The following C6orf163 variants were observed in gnomAD, a reference collection of about 807,000 sequenced individuals.
The protein encoded by C6orf163 is uncharacterized protein C6orf163.
In C6orf163, 22 loss-of-function variants were observed where a neutral mutation model predicts 28.4. The observed-to-expected ratio is 0.78, with a 90% confidence interval of 0.55 to 1.11. The LOEUF (loss-of-function observed/expected upper bound fraction) is 1.11. Among genes scored for constraint, C6orf163 ranks in the 50% least tolerant of loss-of-function variants. The pLI, the probability that C6orf163 is intolerant of heterozygous loss-of-function variation, is 0.00. For missense variants in C6orf163, 342 were observed against 389.1 expected, an observed-to-expected ratio of 0.88 and a Z score of 1.02; for synonymous variants, 110 against 123.6, an observed-to-expected ratio of 0.89 and a Z score of 0.73.
chr6:87,346,463 C>T (rs1777325708), intron 1 of C6orf163, among the ~76,000 whole-genome samples: 1 of 152,048 alleles, frequency 6.6e-6, no homozygotes, highest in African/African-American at 2.4e-5. Context: ...ATTCCTTATG[C>T]CTTATGGAAT....
At position 87,344,972 on chromosome 6, in the gene C6orf163, C is replaced by T. The variant is rs954289447; in HGVS notation, c.-128C>T. The T allele has an allele frequency of 2.9e-6, 2 of 698,966 alleles. No individual in the cohort carries two copies. The highest frequency in any genetic ancestry group is 3.6e-5 in the African/African-American group (2 of 55,470). 43.3% of individuals were successfully genotyped at this position (698,966 alleles called of 1,614,324 possible). A position where few individuals can be genotyped will look rare whatever the true frequency, so the allele number is the denominator to read the frequency against. The stretch of plus-strand genomic sequence containing the variant: ...CTTGAACCATTTAATCCTTACCAGC[C>T]TCTAGCATTATCCTAAAACCCTGAA... On this transcript the variant is annotated 5_prime_UTR_variant, in exon 1 of 5. Coordinates refer to ENST00000388923, the MANE Select transcript of C6orf163 (RefSeq NM_001010868.3).
In C6orf163 at chr6:87,365,240, AGAG is replaced by A. The variant is rs1266510605; in HGVS notation, c.840_842del (p.Glu281del). ...TCATGACAAATTGGAAAGATTTCCT[AGAG>A]GAGGAATTACAGGAAACCAGGATGG... On this transcript the variant is annotated inframe_deletion, in exon 5 of 5. Transcript: ENST00000388923. The A allele has an allele frequency of 6.4e-7, 1 of 1,551,734 alleles. No individual in the cohort carries two copies. Among genetic ancestry groups the A allele is most frequent in the Admixed American group, 2.0e-5 (1 of 51,012 alleles).
In C6orf163 at chr6:87,365,205, C is replaced by T; in HGVS notation, c.799C>T (p.Gln267Ter). 6.4e-7 allele frequency: 1 copy of T among 1,551,754 alleles called. No homozygotes were observed. Among genetic ancestry groups the T allele is most frequent in the Non-Finnish European group, 8.7e-7 (1 of 1,146,998 alleles). ...GGGGGAGCTGCTGTCTATAGCAAAACAACTGGGAATCATGACAAATTGGAA... is the reference window on the plus strand; with the variant it reads ...GGGGGAGCTGCTGTCTATAGCAAAATAACTGGGAATCATGACAAATTGGAA... ...TQGELLSIAK[Q>*]LGIMTNWKDF... Residue 267 changes from glutamine to a stop codon, truncating the protein, a stop_gained, in exon 5 of 5, where the codon CAA becomes TAA. Coordinates refer to ENST00000388923, the MANE Select transcript of C6orf163 (RefSeq NM_001010868.3). LOFTEE classifies it high-confidence loss of function.
At chr6:87,352,873 G>C (rs1460799917) in intron 3 of C6orf163, among the ~76,000 whole-genome samples, 1 of 152,044 alleles carries the variant, frequency 6.6e-6, no homozygotes, top group Non-Finnish European at 1.5e-5. Flanking sequence ...TCCTGAGGGG[G>C]ACATTATGTA....
In C6orf163 at chr6:87,365,021, TGTG is replaced by T; in HGVS notation, c.617_619del (p.Val206del). 6.4e-7 allele frequency: 1 copy of T among 1,551,684 alleles called. No individual in the cohort carries two copies. The highest frequency in any genetic ancestry group is 8.7e-7 in the Non-Finnish European group (1 of 1,146,956). ...CAGTTATTAAGGATGAGAAGACCAGTGTGGCCCGACTGATGAGGGAAAAAGAAC... is the reference window on the plus strand; with the variant it reads ...CAGTTATTAAGGATGAGAAGACCAGTGCCCGACTGATGAGGGAAAAAGAAC... On this transcript the variant is annotated inframe_deletion, in exon 5 of 5. Transcript: ENST00000388923.
chr6:87,359,877 G>A (rs1464630412), intron 4 of C6orf163, among the ~76,000 whole-genome samples: 2 of 152,172 alleles, frequency 1.3e-5, no homozygotes, highest in African/African-American at 4.8e-5. Flanking sequence ...AGATAGAGAT[G>A]CCAGAAGAAC....
chr6:87,345,330 CT>C (rs1777306551), intron 1 of C6orf163, 83 bp downstream of exon 1: 2 of 1,331,016 alleles, frequency 1.5e-6, no homozygotes, highest in East Asian at 2.7e-5. Flanking sequence ...CTTTTATCAG[CT>C]TTTTTCTCTT....
chr6:87,354,573 T>C (rs1185343780), intron 3 of C6orf163, among the ~76,000 whole-genome samples: 1 of 152,230 alleles, frequency 6.6e-6, no homozygotes, highest in African/African-American at 2.4e-5. Flanking sequence ...TTTAGTGATT[T>C]AAGAGACAAA....
chr6:87,365,292 A>C lies in C6orf163; in HGVS notation c.886A>C (p.Thr296Pro), dbSNP rs917006970. ...RMAFQKYINY[T>P]FPKLSPGHAD... is the part of the protein sequence containing the mutation. Reference sequence around the variant, plus strand: ...GGCATTTCAAAAATACATCAATTATACCTTTCCTAAGCTTTCACCAGGACA... The same window carrying C: ...GGCATTTCAAAAATACATCAATTATCCCTTTCCTAAGCTTTCACCAGGACA... Residue 296 changes from threonine to proline, a missense_variant, in exon 5 of 5, where the codon ACC becomes CCC. Transcript: ENST00000388923. 6.4e-7 allele frequency: 1 copy of C among 1,551,588 alleles called. No homozygotes were observed. The highest frequency in any genetic ancestry group is 1.2e-5 in the South Asian group (1 of 84,056).
chr6:87,348,798 C>T lies in C6orf163; in HGVS notation c.149-14C>T. ...TCGGTGGAGGTTTGTGACCATTGCTCTTCAAATACACAGATATTGGGGCAA... is the reference window on the plus strand; with the variant it reads ...TCGGTGGAGGTTTGTGACCATTGCTTTTCAAATACACAGATATTGGGGCAA... On this transcript the variant is annotated splice_polypyrimidine_tract_variant and intron_variant, in intron 1 of 4. Transcript: ENST00000388923. 4 of 1,536,678 alleles carry T rather than the reference C, an allele frequency of 2.6e-6. No individual in the cohort carries two copies. Among genetic ancestry groups the T allele is most frequent in the South Asian group, 2.4e-5 (2 of 83,864 alleles).
In C6orf163 at chr6:87,347,415, G is replaced by A. The variant is rs147115423; in HGVS notation, c.149-1397G>A. Reference sequence around the variant, plus strand: ...TTAAACATAAAAGAGGATAGTGATAGCCTACACTTGTATCACATTTTTATG... The same window carrying A: ...TTAAACATAAAAGAGGATAGTGATAACCTACACTTGTATCACATTTTTATG... On this transcript the variant is annotated intron_variant, in intron 1 of 4. Transcript: ENST00000388923. 4 of 985,252 alleles carry A rather than the reference G, an allele frequency of 4.1e-6. No homozygotes were observed. In the African/African-American group the frequency reaches 5.2e-5, roughly 13 times the overall value. 61.0% of individuals were successfully genotyped at this position (985,252 alleles called of 1,614,324 possible).
chr6:87,354,671 A>G (rs1777471497), intron 3 of C6orf163, among the ~76,000 whole-genome samples: 1 of 152,256 alleles, frequency 6.6e-6, no homozygotes, highest in South Asian at 2.1e-4. Context: ...AACTGAGGCC[A>G]CTTGGAGAGA....
chr6:87,356,579 G>A, intron 4 of C6orf163, 76 bp downstream of exon 4: 2 of 1,323,680 alleles, frequency 1.5e-6, no homozygotes, highest in South Asian at 2.7e-5. Context: ...TAAGGTTACA[G>A]TACATAGGTA....
At chr6:87,364,694 G>C (rs1043593241) in intron 4 of C6orf163, among the ~76,000 whole-genome samples, 8 of 152,152 alleles carry the variant, frequency 5.3e-5, no homozygotes, top group African/African-American at 1.9e-4. Context: ...TGAAAAAGGT[G>C]ATCTCAGGTT....
chr6:87,356,587 G>T, intron 4 of C6orf163, 84 bp downstream of exon 4: 1 of 1,230,032 alleles, frequency 8.1e-7, no homozygotes, highest in Non-Finnish European at 1.1e-6. Context: ...CAGTACATAG[G>T]TAGATATTGC....
At chr6:87,351,365 A>G (rs1163575554) in intron 3 of C6orf163, among the ~76,000 whole-genome samples, 2 of 152,196 alleles carry the variant, frequency 1.3e-5, no homozygotes, top group African/African-American at 2.4e-5. Flanking sequence ...CTGCAGGCCA[A>G]TTTATTCGTT....
chr6:87,363,988 CA>C (rs34961573), intron 4 of C6orf163, among the ~76,000 whole-genome samples: 2 of 149,362 alleles, frequency 1.3e-5, no homozygotes, highest in African/African-American at 2.5e-5. Context: ...AAGAGTTGTG[CA>C]AAAAAAAAAT....
At chr6:87,345,850 G>A (rs1295618840) in intron 1 of C6orf163, among the ~76,000 whole-genome samples, 1 of 146,340 alleles carries the variant, frequency 6.8e-6, no homozygotes, top group African/African-American at 2.5e-5. Context: ...CCAGGAGGTG[G>A]AGGTTGCAGT....
intron 1 of C6orf163, chr6:87,347,420 C>T: frequency 2.0e-6 from 2 of 985,274 alleles, no homozygotes; most frequent in Non-Finnish European, 2.4e-6. Flanking sequence ...TGATAGCCTA[C>T]ACTTGTATCA....
Sources: gnomAD v4.1 joint callset for allele counts (sites outside exome capture counted in the v4.1 genomes callset) on GRCh38, gnomAD v4.1.1 for gene constraint, MANE v1.5 for transcripts, NCBI Gene and HGNC (gene_info 2026-07-23, HGNC 2026-07-21) for gene names.